The following PHF20 variants were observed in gnomAD, a reference collection of about 807,000 sequenced individuals.
PHF20 encodes PHD finger protein 20, also known as glioma-expressed antigen 2.
A neutral mutation model predicts 113.5 loss-of-function variants in PHF20; 23 were observed. That is an observed-to-expected ratio of 0.20 (90% confidence interval 0.15 to 0.29). The LOEUF is 0.29. Ranked by LOEUF, PHF20 falls within the 10% of genes least tolerant of loss-of-function variation. The pLI, the probability that PHF20 is intolerant of heterozygous loss-of-function variation, is 1.00. For synonymous variants in PHF20, 434 were observed against 457.3 expected (o/e 0.95, Z 0.65); for missense variants, 943 against 1,219.6 (o/e 0.77, Z 3.38).
chr20:35,785,341 C>CA, intron 1 of PHF20, among the ~76,000 whole-genome samples: 1 of 151,870 alleles, frequency 6.6e-6, no homozygotes, highest in East Asian at 1.9e-4. Context: ...ATTTTTGAGA[C>CA]AGAGTTTTGC....
chr20:35,863,851 G>T (rs2054264377), intron 6 of PHF20, among the ~76,000 whole-genome samples: 1 of 152,126 alleles, frequency 6.6e-6, no homozygotes, highest in Non-Finnish European at 1.5e-5. Context: ...AGAAAAGCAT[G>T]GGTGCATTTT....
intron 2 of PHF20, among the ~76,000 whole-genome samples, chr20:35,826,004 G>T (rs534210957): frequency 6.6e-6 from 1 of 152,062 alleles, no homozygotes; most frequent in Non-Finnish European, 1.5e-5. Flanking sequence ...CCCCCAAAGA[G>T]AATTACTGTT....
chr20:35,901,087 G>A (rs73902932), intron 10 of PHF20, among the ~76,000 whole-genome samples: 14,786 of 151,922 alleles, frequency 0.097, 775 homozygotes, highest in Middle Eastern at 0.15. Flanking sequence ...TGGTTTATGT[G>A]TTTATTTGTG....
chr20:35,841,470 T>G (rs2042534313), intron 2 of PHF20, among the ~76,000 whole-genome samples: 1 of 152,062 alleles, frequency 6.6e-6, no homozygotes, highest in Non-Finnish European at 1.5e-5. Flanking sequence ...CTTGTTCTTT[T>G]TAATAACCGC....
chr20:35,922,138 C>T (rs796815966), intron 13 of PHF20, among the ~76,000 whole-genome samples: 8 of 152,310 alleles, frequency 5.3e-5, no homozygotes, highest in African/African-American at 1.9e-4. Flanking sequence ...CTCCACAAGA[C>T]CTTGTGTCTC....
At chr20:35,880,376 T>C (rs1324056311) in intron 9 of PHF20, among the ~76,000 whole-genome samples, 1 of 152,090 alleles carries the variant, frequency 6.6e-6, no homozygotes, top group Non-Finnish European at 1.5e-5. Flanking sequence ...TAAGGTGGGG[T>C]AAGTTGCTGC....
chr20:35,911,063 C>T (rs769317883), intron 10 of PHF20, among the ~76,000 whole-genome samples: 58 of 151,212 alleles, frequency 3.8e-4, no homozygotes, highest in Non-Finnish European at 5.8e-4. Context: ...TTTTTTGAGA[C>T]GGAGTCTTGC....
At chr20:35,899,978 C>T (rs2055064519) in intron 10 of PHF20, among the ~76,000 whole-genome samples, 2 of 152,192 alleles carry the variant, frequency 1.3e-5, no homozygotes, top group South Asian at 4.1e-4. Flanking sequence ...GTGCCATCGT[C>T]CCACTCTCCC....
At chr20:35,858,463 T>G (rs1170033818) in intron 5 of PHF20, 82 bp downstream of exon 5, 4 of 727,864 alleles carry the variant, frequency 5.5e-6, no homozygotes, top group Non-Finnish European at 9.5e-6. Flanking sequence ...ACATTACATT[T>G]GTTTATGATA....
At chr20:35,815,154 G>A (rs1457222259) in intron 2 of PHF20, among the ~76,000 whole-genome samples, 4 of 152,012 alleles carry the variant, frequency 2.6e-5, no homozygotes, top group African/African-American at 7.2e-5. Context: ...CTGAGATTGC[G>A]ACACTGGACT....
intron 13 of PHF20, among the ~76,000 whole-genome samples, chr20:35,923,890 T>C (rs1256765144): frequency 6.6e-6 from 1 of 152,168 alleles, no homozygotes; most frequent in African/African-American, 2.4e-5. Context: ...TAGCTGAGAC[T>C]ACATGCACAC....
intron 9 of PHF20, among the ~76,000 whole-genome samples, chr20:35,897,280 A>C (rs1160332140): frequency 2.0e-5 from 3 of 151,834 alleles, no homozygotes; most frequent in Non-Finnish European, 4.4e-5. Context: ...GCCTCAAGTG[A>C]TCCTCTTGCC....
chr20:35,927,682 T>G (rs2055668784), intron 13 of PHF20, 98 bp from the exon 14 acceptor site: 1 of 898,842 alleles, frequency 1.1e-6, no homozygotes, highest in Non-Finnish European at 1.9e-6. Flanking sequence ...CCCCTCTCCT[T>G]CTATCCTCCC....
intron 10 of PHF20, among the ~76,000 whole-genome samples, chr20:35,909,284 C>G (rs199974950): frequency 0.019 from 3 of 160 alleles, no homozygotes; most frequent in East Asian, 0.15. Context: ...AACAGCAATT[C>G]TTTTGCACCA....
intron 17 of PHF20, among the ~76,000 whole-genome samples, chr20:35,941,715 G>A (rs967681624): frequency 2.0e-5 from 3 of 152,152 alleles, no homozygotes; most frequent in Non-Finnish European, 4.4e-5. Context: ...AGGATTCTGG[G>A]TACAGTCTGG....
chr20:35,806,395 A>G (rs1698340632), intron 2 of PHF20, among the ~76,000 whole-genome samples: 1 of 135,132 alleles, frequency 7.4e-6, no homozygotes, highest in Admixed American at 7.6e-5. Flanking sequence ...TCCTGACCTC[A>G]AGTGTTTCAC....
chr20:35,845,224 A>G (rs1450992013), intron 3 of PHF20, among the ~76,000 whole-genome samples: 1 of 150,776 alleles, frequency 6.6e-6, no homozygotes, highest in African/African-American at 2.4e-5. Context: ...TTCCTGTAAT[A>G]ACAGTTTGTT....
rs544542843 is a variant in PHF20 at position 35,776,100 on chromosome 20, T to C, written c.-33+4021T>C. 3.3e-5 allele frequency among the ~76,000 whole-genome samples: 5 copies of C among 152,364 alleles called. No homozygotes were observed. The South Asian group carries it at 1.0e-3, about 32-fold the overall frequency. On this transcript the variant is annotated intron_variant, in intron 1 of 17. Coordinates refer to ENST00000374012, the MANE Select transcript of PHF20 (RefSeq NM_016436.5). ...TTGGGATTATAGGTGTGAGCTGCCA[T>C]GCCTGGCTATTGCCAAATTTAAATG...
At chr20:35,852,761 G>T (rs979405779) in intron 4 of PHF20, among the ~76,000 whole-genome samples, 2 of 151,974 alleles carry the variant, frequency 1.3e-5, no homozygotes, top group South Asian at 4.1e-4. Flanking sequence ...ACCACGCCTG[G>T]CTAATATTTG....
Sources: gnomAD v4.1 joint callset for allele counts (sites outside exome capture counted in the v4.1 genomes callset) on GRCh38, gnomAD v4.1.1 for gene constraint, MANE v1.5 for transcripts, NCBI Gene and HGNC (gene_info 2026-07-23, HGNC 2026-07-21) for gene names.